Variants in CATSPER3 observed in about 807,000 individuals in gnomAD.
CATSPER3 encodes cation channel sperm associated 3, also known as cation channel sperm-associated protein 3.
CATSPER3 carries 23 observed loss-of-function variants against 36.6 expected under a neutral mutation model. That is an observed-to-expected ratio of 0.63 (90% CI 0.45 to 0.89). The LOEUF (loss-of-function observed/expected upper bound fraction) is 0.89. CATSPER3 is among the 40% of genes least tolerant of loss of function. CATSPER3 has a pLI of 0.00. For missense variants in CATSPER3, 474 were observed against 503.9 expected (o/e 0.94, Z 0.57); for synonymous variants, 172 against 184.1 (o/e 0.93, Z 0.53).
chr5:134,983,460 G>A (rs926349882), intron 2 of CATSPER3, among the ~76,000 whole-genome samples: 3 of 152,120 alleles, frequency 2.0e-5, no homozygotes, highest in South Asian at 2.1e-4. Context: ...GCTAGAACTC[G>A]GTGGCGGAGG....
intron 2 of CATSPER3, among the ~76,000 whole-genome samples, chr5:134,993,604 A>G (rs901400737): frequency 2.0e-5 from 3 of 152,222 alleles, no homozygotes; most frequent in African/African-American, 7.2e-5. Flanking sequence ...CAGATACGGT[A>G]GATATCAGAA....
chr5:134,997,252 G>A (rs926813106), intron 3 of CATSPER3, among the ~76,000 whole-genome samples: 4 of 152,216 alleles, frequency 2.6e-5, no homozygotes, highest in East Asian at 3.9e-4. Flanking sequence ...GTGGCTGGCC[G>A]TCTAGGGCCT....
At chr5:134,971,855 G>A (rs1378622264) in intron 2 of CATSPER3, among the ~76,000 whole-genome samples, 1 of 152,114 alleles carries the variant, frequency 6.6e-6, no homozygotes, top group African/African-American at 2.4e-5. Context: ...GAGGAACCAG[G>A]ATACCTCAAA....
At chr5:134,990,978 A>G in intron 2 of CATSPER3, among the ~76,000 whole-genome samples, 1 of 152,236 alleles carries the variant, frequency 6.6e-6, no homozygotes, top group Non-Finnish European at 1.5e-5. Context: ...GCTGAAAAAA[A>G]TCAATTGTAT....
At chr5:134,993,670 TA>T (rs1024741118) in intron 2 of CATSPER3, among the ~76,000 whole-genome samples, 3 of 152,066 alleles carry the variant, frequency 2.0e-5, no homozygotes, top group South Asian at 2.1e-4. Flanking sequence ...GATAATTTTC[TA>T]AAAAAAATTA....
chr5:135,001,492 T>C lies in CATSPER3; in HGVS notation c.492+4980T>C, dbSNP rs948480923. Among the ~76,000 whole-genome samples the C allele has an allele frequency of 4.6e-5, 7 of 152,328 alleles. No homozygotes were observed. In the South Asian group the frequency reaches 1.0e-3, roughly 23 times the overall value. On this transcript the variant is annotated intron_variant, in intron 3 of 7. Coordinates refer to ENST00000282611, the MANE Select transcript of CATSPER3 (RefSeq NM_178019.3). Reference sequence around the variant, plus strand: ...CAGAGCTGAGTTCAATTCCTGGATATCCTTGTTAACTTTCTGTCTCATTGA... The same window carrying C: ...CAGAGCTGAGTTCAATTCCTGGATACCCTTGTTAACTTTCTGTCTCATTGA...
At chr5:134,989,600 CTCTCTCAG>C (rs1375556306) in intron 2 of CATSPER3, among the ~76,000 whole-genome samples, 4 of 152,222 alleles carry the variant, frequency 2.6e-5, no homozygotes, top group African/African-American at 9.6e-5. Flanking sequence ...GCCTCCTTCT[CTCTCTCAG>C]ACTTCAAACA....
chr5:135,003,963 C>T (rs1189503165), intron 3 of CATSPER3, among the ~76,000 whole-genome samples: 1 of 152,234 alleles, frequency 6.6e-6, no homozygotes, highest in Non-Finnish European at 1.5e-5. Context: ...CACTGTCCTG[C>T]ACCCGCTGTC....
intron 2 of CATSPER3, among the ~76,000 whole-genome samples, chr5:134,973,205 T>G (rs1479035653): frequency 6.6e-6 from 1 of 152,206 alleles, no homozygotes; most frequent in African/African-American, 2.4e-5. Context: ...GCATTAAATA[T>G]GTAGTTATTT....
intron 3 of CATSPER3, among the ~76,000 whole-genome samples, chr5:135,006,273 C>G (rs1752085070): frequency 6.6e-6 from 1 of 152,178 alleles, no homozygotes; most frequent in Non-Finnish European, 1.5e-5. Context: ...GTGTCTGTTC[C>G]TCCACTGCTG....
intron 2 of CATSPER3, among the ~76,000 whole-genome samples, chr5:134,985,046 T>G (rs1289756142): frequency 6.6e-6 from 1 of 152,218 alleles, no homozygotes; most frequent in Non-Finnish European, 1.5e-5. Flanking sequence ...CTTGAACTCC[T>G]GGCCTTGAGT....
At chr5:134,975,697 A>T (rs1751665134) in intron 2 of CATSPER3, among the ~76,000 whole-genome samples, 1 of 152,240 alleles carries the variant, frequency 6.6e-6, no homozygotes, top group South Asian at 2.1e-4. Context: ...AAATTAGTAC[A>T]GCTGTTATGG....
At chr5:134,994,155 A>G (rs1330443250) in intron 2 of CATSPER3, among the ~76,000 whole-genome samples, 6 of 152,336 alleles carry the variant, frequency 3.9e-5, no homozygotes, top group South Asian at 2.1e-4. Context: ...TGAAAAGTCA[A>G]TGTGATAAGT....
intron 3 of CATSPER3, among the ~76,000 whole-genome samples, chr5:135,004,845 G>A (rs1294758891): frequency 6.6e-6 from 1 of 152,150 alleles, no homozygotes; most frequent in East Asian, 1.9e-4. Context: ...CCCAGGATAA[G>A]GTAGATGGTG....
At chr5:134,976,736 C>T (rs1374070117) in intron 2 of CATSPER3, among the ~76,000 whole-genome samples, 1 of 152,240 alleles carries the variant, frequency 6.6e-6, no homozygotes, top group Non-Finnish European at 1.5e-5. Flanking sequence ...TGCCTGGACA[C>T]CTGGGCTTTC....
chr5:135,010,894 G>C (rs1752173492), intron 7 of CATSPER3, among the ~76,000 whole-genome samples: 1 of 152,206 alleles, frequency 6.6e-6, no homozygotes, highest in South Asian at 2.1e-4. Context: ...CTTCCTGTGT[G>C]GCCTTGGGCA....
chr5:134,983,684 G>A (rs1751775567), intron 2 of CATSPER3, among the ~76,000 whole-genome samples: 1 of 152,172 alleles, frequency 6.6e-6, no homozygotes, highest in South Asian at 2.1e-4. Context: ...TGCTCTAAGA[G>A]AAAAGGAAGG....
chr5:134,969,783 CATTT>C, intron 1 of CATSPER3, 152 bp from the exon 2 acceptor site: 2 of 763,858 alleles, frequency 2.6e-6, no homozygotes, highest in Non-Finnish European at 4.5e-6. Context: ...TGTCAGTGGT[CATTT>C]ATTCAACATC....
chr5:135,010,931 C>T (rs1752173766), intron 7 of CATSPER3, among the ~76,000 whole-genome samples: 1 of 152,218 alleles, frequency 6.6e-6, no homozygotes, highest in African/African-American at 2.4e-5. Flanking sequence ...CCATCTGTCA[C>T]ATGAGGGGCT....
Sources: allele counts gnomAD v4.1 joint callset (sites outside exome capture counted in the v4.1 genomes callset), GRCh38; gene constraint gnomAD v4.1.1; transcripts MANE v1.5; gene names NCBI Gene and HGNC (gene_info 2026-07-23, HGNC 2026-07-21).